The following TLX3 variants were observed in gnomAD, a reference collection of about 807,000 sequenced individuals.
TLX3 encodes T-cell leukemia homeobox protein 3.
In TLX3, 11 loss-of-function variants were observed where a neutral mutation model predicts 19.6. That is an observed-to-expected ratio of 0.56 (90% CI 0.35 to 0.93). TLX3 has a LOEUF of 0.93. TLX3 is among the 40% of genes least tolerant of loss of function. The pLI is 0.01. For synonymous variants in TLX3, 221 were observed against 188.1 expected (o/e 1.17, Z -1.43); for missense variants, 375 against 418.6 (o/e 0.90, Z 0.91).
At position 171,309,486 on chromosome 5, in the gene TLX3, G is replaced by T. The variant is rs545330802; in HGVS notation, c.121G>T (p.Ala41Ser). ...ACCCGCCCCGCGGGGCCCCGACGGC[G>T]CCAGCTACCTGGGAGGGCCCCCCGG... is the stretch of plus-strand genomic sequence containing the variant. ...SAPAPRGPDG[A>S]SYLGGPPGGR... The change falls in exon 1 of 3, where the codon GCC becomes TCC. Residue 41 changes from alanine (A) to serine (S), a missense_variant. By Grantham distance (99) the Ala-to-Ser change is moderately conservative. This residue lies in a region of TLX3 where 239 missense variants were observed against 217.0 expected (regional missense o/e 1.10). Transcript: ENST00000296921. 13 of 1,587,152 alleles carry T rather than the reference G, an allele frequency of 8.2e-6. No homozygotes were observed. The highest frequency in any genetic ancestry group is 2.3e-5 in the South Asian group (2 of 88,594).
chr5:171,309,913 G>A, intron 1 of TLX3, 127 bp downstream of exon 1: 1 of 1,339,682 alleles, frequency 7.5e-7, no homozygotes, highest in Non-Finnish European at 9.9e-7. Context: ...CGGCCCCAGG[G>A]CCCCGGGCAG....
chr5:171,310,105 G>T (rs1367221543), intron 1 of TLX3, 45 bp from the exon 2 acceptor site: 1 of 1,532,942 alleles, frequency 6.5e-7, no homozygotes, highest in East Asian at 2.5e-5. Context: ...CCTGAACGGT[G>T]GCGGAGCCGG....
rs754381757 is a variant in TLX3, at chr5:171,309,479, C to T, written c.114C>T (p.Pro38=). 3.8e-6 allele frequency: 6 copies of T among 1,591,150 alleles called. No individual in the cohort carries two copies. Among genetic ancestry groups the T allele is most frequent in the Non-Finnish European group, 5.1e-6 (6 of 1,170,322 alleles). Reference sequence around the variant, plus strand: ...ACAGCGCACCCGCCCCGCGGGGCCCCGACGGCGCCAGCTACCTGGGAGGGC... The same window carrying T: ...ACAGCGCACCCGCCCCGCGGGGCCCTGACGGCGCCAGCTACCTGGGAGGGC... ...DQDSAPAPRG[P]DGASYLGGPP... Residue 38 remains proline, a synonymous_variant, in exon 1 of 3, where the codon CCC becomes CCT. Coordinates refer to ENST00000296921, the MANE Select transcript of TLX3 (RefSeq NM_021025.4).
In TLX3 at chr5:171,311,610, G is replaced by A. The variant is rs1298315556; in HGVS notation, c.*11G>A. The A allele has an allele frequency of 1.3e-5, 20 of 1,590,594 alleles. No homozygotes were observed. The East Asian group carries it at 4.4e-4, about 35-fold the overall frequency. On this transcript the variant is annotated 3_prime_UTR_variant, in exon 3 of 3. Coordinates refer to ENST00000296921, the MANE Select transcript of TLX3 (RefSeq NM_021025.4). The surrounding 1 kb of genome is among the most constrained non-coding windows in gnomAD (Gnocchi z 5.1). The stretch of plus-strand genomic sequence containing the variant: ...ACCTCCCTGGTGTGAGCCCACCAGC[G>A]CGCACCGTCGCCACGGATCGCCGCC...
In TLX3 at chr5:171,310,222, A is replaced by G; in HGVS notation, c.494A>G (p.Lys165Arg). Residue 165 changes from lysine to arginine, a missense_variant, in exon 2 of 3, where the codon AAG (lysine) becomes AGG (arginine). Physicochemically the swap from Lys to Arg is conservative, Grantham distance 26. Transcript: ENST00000296921. ...CCCTACCAGAACCGGACGCCGCCCA[A>G]GCGTAAGAAGCCGCGCACGTCCTTT... ...GHPYQNRTPPKRKKPRTSFSR... is the reference protein window; with the variant it reads ...GHPYQNRTPPRRKKPRTSFSR... 1 of 1,556,904 alleles carries G rather than the reference A, an allele frequency of 6.4e-7. No homozygotes were observed. The highest frequency in any genetic ancestry group is 1.4e-5 in the African/African-American group (1 of 73,330).
At chr5:171,310,512 C>T in intron 2 of TLX3, 119 bp downstream of exon 2, 1 of 1,275,942 alleles carries the variant, frequency 7.8e-7, no homozygotes, top group Non-Finnish European at 1.1e-6. Flanking sequence ...CCTCTGCCTC[C>T]CCCAAACACA....
At chr5:171,310,073 G>T in intron 1 of TLX3, 77 bp from the exon 2 acceptor site, 1 of 1,476,242 alleles carries the variant, frequency 6.8e-7, no homozygotes, top group Non-Finnish European at 9.0e-7. Context: ...GTCCCACGGG[G>T]CGCCACGGGG....
At position 171,311,911 on chromosome 5, in the gene TLX3, A is replaced by G. The variant is rs1026039897; in HGVS notation, c.*312A>G. 2 of 238,740 alleles carry G rather than the reference A, an allele frequency of 8.4e-6. No individual in the cohort carries two copies. The highest frequency in any genetic ancestry group is 8.1e-6 in the Non-Finnish European group (1 of 122,860). 14.8% of individuals were successfully genotyped at this position (238,740 alleles called of 1,614,324 possible). ...GCCGGGCGCCTGTATTATACTTTGTACTTTTGCCCAAACGTGTAAATAATA... is the reference window on the plus strand; with the variant it reads ...GCCGGGCGCCTGTATTATACTTTGTGCTTTTGCCCAAACGTGTAAATAATA... On this transcript the variant is annotated 3_prime_UTR_variant, in exon 3 of 3. Coordinates refer to ENST00000296921, the MANE Select transcript of TLX3 (RefSeq NM_021025.4). This position sits in a 1 kb window ranked among gnomAD's most constrained non-coding sequence, Gnocchi z 5.1.
chr5:171,310,449 G>T, intron 2 of TLX3, 56 bp downstream of exon 2: 1 of 1,589,722 alleles, frequency 6.3e-7, no homozygotes, highest in Non-Finnish European at 8.6e-7. Context: ...GTCCCGCCCC[G>T]AGCCGCAGCC....
intron 2 of TLX3, among the ~76,000 whole-genome samples, chr5:171,310,904 A>T (rs1477631268): frequency 6.6e-6 from 1 of 151,594 alleles, no homozygotes; most frequent in Non-Finnish European, 1.5e-5. Context: ...CTCTGTTTTG[A>T]TTCAACCCGT....
At chr5:171,310,734 A>G (rs760125651) in intron 2 of TLX3, among the ~76,000 whole-genome samples, 76,195 of 99,336 alleles carry the variant, frequency 0.77, 26,984 homozygotes, top group East Asian at 0.88. Flanking sequence ...ACACACAGGC[A>G]CACACACACA....
chr5:171,310,186 G>T lies in TLX3; in HGVS notation c.458G>T (p.Arg153Leu). The change falls in exon 2 of 3, where the codon CGC becomes CTC. Residue 153 changes from arginine to leucine, a missense_variant. Arg to Leu is a moderately radical substitution (Grantham distance 102). Transcript: ENST00000296921. ...CTCACGCCCTTCACCGTGACCCGGC[G>T]CATCGGCCACCCCTACCAGAACCGG... ...AALTPFTVTRRIGHPYQNRTP... is the reference protein window; with the variant it reads ...AALTPFTVTRLIGHPYQNRTP... The T allele has an allele frequency of 6.4e-7, 1 of 1,551,970 alleles. No homozygotes were observed. Among genetic ancestry groups the T allele is most frequent in the Non-Finnish European group, 8.7e-7 (1 of 1,147,678 alleles).
At chr5:171,309,873 A>T (rs1769190914) in intron 1 of TLX3, 87 bp downstream of exon 1, 17 of 1,443,994 alleles carry the variant, frequency 1.2e-5, no homozygotes, top group Non-Finnish European at 1.3e-5. Flanking sequence ...CCCGGAAACC[A>T]TTTCAGAGGC....
chr5:171,309,671 G>T lies in TLX3; in HGVS notation c.306G>T (p.Pro102=). Residue 102 remains proline, a synonymous_variant, in exon 1 of 3, where the codon CCG becomes CCT. Coordinates refer to ENST00000296921, the MANE Select transcript of TLX3 (RefSeq NM_021025.4). The part of the protein sequence containing the change: ...AHRPLPGAVP[P]PLPSALPAMP... Reference sequence around the variant, plus strand: ...GGCCGCTGCCCGGGGCCGTGCCACCGCCTCTGCCAAGCGCGCTACCCGCCA... The same window carrying T: ...GGCCGCTGCCCGGGGCCGTGCCACCTCCTCTGCCAAGCGCGCTACCCGCCA... The T allele has an allele frequency of 1.2e-6, 2 of 1,608,958 alleles. No individual in the cohort carries two copies. Among genetic ancestry groups the T allele is most frequent in the Non-Finnish European group, 1.7e-6 (2 of 1,178,562 alleles).
Position 171,310,677 on chromosome 5 carries a change from C to A in TLX3, c.665+284C>A, listed in dbSNP as rs75121924. ...TCCAACTCTCTCCCCGTGTTTTGTA[C>A]GGTCTCCTGCGTTCACTTGATTTCC... is the stretch of plus-strand genomic sequence containing the variant. On this transcript the variant is annotated intron_variant, in intron 2 of 2. Transcript: ENST00000296921. 9.0e-3 allele frequency among the ~76,000 whole-genome samples: 1,352 copies of A among 150,764 alleles called. 20 individuals are homozygous for A. The highest frequency in any genetic ancestry group is 0.031 in the African/African-American group (1,244 of 40,702).
intron 1 of TLX3, 104 bp from the exon 2 acceptor site, chr5:171,310,046 A>G (rs1416445043): frequency 6.1e-5 from 88 of 1,447,418 alleles, no homozygotes; most frequent in Non-Finnish European, 6.5e-5. Context: ...GACCAGCGAA[A>G]TAGCGGAGCT....
chr5:171,309,550 C>T lies in TLX3; in HGVS notation c.185C>T (p.Ser62Phe). 1 of 1,578,814 alleles carries T rather than the reference C, an allele frequency of 6.3e-7. No individual in the cohort carries two copies. Among genetic ancestry groups the T allele is most frequent in the Non-Finnish European group, 8.6e-7 (1 of 1,163,746 alleles). ...PGATYPSLPASFAGLGAPFED... is the reference protein window; with the variant it reads ...PGATYPSLPAFFAGLGAPFED... ...GCCACATACCCGTCTCTGCCCGCCT[C>T]CTTTGCGGGCCTCGGCGCGCCCTTC... The change falls in exon 1 of 3, where the codon TCC becomes TTC. Residue 62 changes from serine to phenylalanine, a missense_variant. Physicochemically the swap from Ser to Phe is radical, Grantham distance 155 (BLOSUM62 -2). Transcript: ENST00000296921.
At chr5:171,309,945 G>A (rs1260985044) in intron 1 of TLX3, among the ~76,000 whole-genome samples, 159 bp downstream of exon 1, 1 of 152,222 alleles carries the variant, frequency 6.6e-6, no homozygotes. Context: ...AGGGTAATCG[G>A]AGAGTTGCAG....
rs149813712 is a variant in TLX3, at chr5:171,311,576, C to T, written c.853C>T (p.Pro285Ser). ...CTGGGAGGAGGATAGTTCCAAGGTTCCCGCTGTCACCTCCCTGGTGTGAGC... is the reference window on the plus strand; with the variant it reads ...CTGGGAGGAGGATAGTTCCAAGGTTTCCGCTGTCACCTCCCTGGTGTGAGC... ...QPWEEDSSKV[P>S]AVTSLV Residue 285 changes from proline to serine, a missense_variant, in exon 3 of 3, where the codon CCC (proline) becomes TCC (serine). Coordinates refer to ENST00000296921, the MANE Select transcript of TLX3 (RefSeq NM_021025.4). This position sits in a 1 kb window ranked among gnomAD's most constrained non-coding sequence, Gnocchi z 5.1. The T allele has an allele frequency of 2.5e-4, 401 of 1,611,238 alleles. 1 individual carries two copies. Among genetic ancestry groups the T allele is most frequent in the South Asian group, 8.5e-4 (77 of 90,502 alleles).
Sources: allele counts gnomAD v4.1 joint callset (sites outside exome capture counted in the v4.1 genomes callset), GRCh38; gene constraint gnomAD v4.1.1; regional missense constraint gnomAD v4.1.1; non-coding constraint Gnocchi (gnomAD v3.1); transcripts MANE v1.5; gene names NCBI Gene and HGNC (gene_info 2026-07-23, HGNC 2026-07-21).